TKFC: variants seen among roughly 807,000 people sequenced by gnomAD.
The protein encoded by TKFC is triokinase and FMN cyclase, also known as triokinase/FMN cyclase.
In TKFC, 46 loss-of-function variants were observed where a neutral mutation model predicts 61.0. The observed-to-expected ratio is 0.75, with a 90% CI of 0.60 to 0.96. The LOEUF (loss-of-function observed/expected upper bound fraction) is 0.96. TKFC is among the 50% of genes least tolerant of loss of function. The pLI is 0.00. For missense variants in TKFC, 715 were observed against 777.5 expected, an observed-to-expected ratio of 0.92 and a Z score of 0.96; for synonymous variants, 314 against 330.1, an observed-to-expected ratio of 0.95 and a Z score of 0.53.
At chr11:61,345,791 G>A (rs1050646563) in intron 16 of TKFC, 46 bp downstream of exon 16, 2 of 1,614,198 alleles carry the variant, frequency 1.2e-6, no homozygotes, top group Non-Finnish European at 8.5e-7. Flanking sequence ...TTTTGGCCCT[G>A]TAAGTCTAAA....
intron 5 of TKFC, 133 bp downstream of exon 5, chr11:61,339,568 C>T (rs920906476): frequency 1.6e-5 from 17 of 1,044,238 alleles, no homozygotes; most frequent in Middle Eastern, 3.2e-4. Flanking sequence ...TCCCTGATCT[C>T]AGAAGGCCCC....
At chr11:61,343,730 G>C in intron 11 of TKFC, 126 bp from the exon 12 acceptor site, 1 of 1,374,400 alleles carries the variant, frequency 7.3e-7, no homozygotes, top group Non-Finnish European at 9.9e-7. Context: ...TGCTTGTCGA[G>C]GTGGACTCCC....
downstream of TKFC, chr11:61,351,541 G>A (rs969075236): frequency 6.5e-5 from 10 of 153,844 alleles, no homozygotes; most frequent in East Asian, 7.8e-4. Flanking sequence ...CGCCCGCCTC[G>A]GCCTCCCAAA....
intron 10 of TKFC, 66 bp from the exon 11 acceptor site, chr11:61,343,276 T>G: frequency 1.4e-6 from 2 of 1,467,978 alleles, no homozygotes; most frequent in Non-Finnish European, 9.5e-7. Context: ...GGTCCTTGCT[T>G]TTCTGTTGTT....
At chr11:61,338,168 G>A (rs2134995109) in intron 3 of TKFC, 38 bp downstream of exon 3, 1 of 1,521,278 alleles carries the variant, frequency 6.6e-7, no homozygotes, top group Non-Finnish European at 8.8e-7. Flanking sequence ...TACTAGTGGA[G>A]TGGACAGGGC....
At position 61,336,224 on chromosome 11, in the gene TKFC, G is replaced by A. The variant is rs75867680; in HGVS notation, c.3+1493G>A. 534 of 154,628 alleles carry A rather than the reference G, an allele frequency of 3.5e-3. 5 individuals carry two copies. The highest frequency in any genetic ancestry group is 0.012 in the African/African-American group (517 of 41,664). The allele number at this position is 154,628 out of a possible 1,614,324, so 9.6% of individuals were successfully genotyped here. On this transcript the variant is annotated intron_variant, in intron 2 of 17. Coordinates refer to ENST00000394900, the MANE Select transcript of TKFC (RefSeq NM_015533.4). ...TACAGACCTAGGCTACTCTGAAGCAGGTGGCTTAGCCCTGGCCCTGGCTGG... is the reference window on the plus strand; with the variant it reads ...TACAGACCTAGGCTACTCTGAAGCAAGTGGCTTAGCCCTGGCCCTGGCTGG...
At chr11:61,351,316 G>GTCT, downstream of TKFC, 1 of 689,916 alleles carries the variant, frequency 1.4e-6, no homozygotes, top group South Asian at 2.5e-5. Flanking sequence ...TTGAGGCAGA[G>GTCT]TCTTGCTCTG....
Position 61,344,128 on chromosome 11 carries a change from C to T in TKFC, c.1103-8C>T. On this transcript the variant is annotated splice_polypyrimidine_tract_variant and splice_region_variant and intron_variant, in intron 12 of 17. Transcript: ENST00000394900. The stretch of plus-strand genomic sequence containing the variant: ...GTGGGCCTGTTCTTCAGCATCCTCC[C>T]TTTCTAGGCTCAGCCTCGAAGCGGA... The T allele has an allele frequency of 6.2e-7, 1 of 1,611,946 alleles. No individual in the cohort carries two copies.
intron 3 of TKFC, among the ~76,000 whole-genome samples, chr11:61,338,632 C>A (rs968924575): frequency 6.6e-6 from 1 of 152,176 alleles, no homozygotes; most frequent in Non-Finnish European, 1.5e-5. Flanking sequence ...AAAATCCATT[C>A]ATTTGGCAAA....
At chr11:61,352,896 T>A, downstream of TKFC, 1 of 1,604,802 alleles carries the variant, frequency 6.2e-7, no homozygotes, top group Non-Finnish European at 8.5e-7. Flanking sequence ...CTCTCCTCCC[T>A]TGGGTGAGTC....
chr11:61,351,063 C>T (rs772033000), downstream of TKFC: 2 of 1,613,906 alleles, frequency 1.2e-6, no homozygotes, highest in African/African-American at 2.7e-5. Context: ...GCACCAGCAG[C>T]CCAAAGGCCA....
chr11:61,345,144 G>T, intron 13 of TKFC, 116 bp from the exon 14 acceptor site: 2 of 840,640 alleles, frequency 2.4e-6, no homozygotes, highest in Non-Finnish European at 1.8e-6. Context: ...AGGGATCTTG[G>T]GAAGCCTTCA....
Position 61,334,646 on chromosome 11 carries a change from A to G in TKFC, c.-83A>G. On this transcript the variant is annotated 5_prime_UTR_variant, in exon 2 of 18. Coordinates refer to ENST00000394900, the MANE Select transcript of TKFC (RefSeq NM_015533.4). Reference sequence around the variant, plus strand: ...TGCTGCTGCTGCCTCCACTGTACTCAGACCCAGGTAGCACAGGATTGTCCA... The same window carrying G: ...TGCTGCTGCTGCCTCCACTGTACTCGGACCCAGGTAGCACAGGATTGTCCA... 6.3e-7 allele frequency: 1 copy of G among 1,599,020 alleles called. No homozygotes were observed. Among genetic ancestry groups the G allele is most frequent in the Admixed American group, 1.7e-5 (1 of 59,470 alleles).
Position 61,342,561 on chromosome 11 carries a change from C to G in TKFC, c.691-13C>G. The G allele has an allele frequency of 6.2e-7, 1 of 1,614,024 alleles. No individual in the cohort carries two copies. The highest frequency in any genetic ancestry group is 1.1e-5 in the South Asian group (1 of 91,090). Reference sequence around the variant, plus strand: ...CCCCCCAGATGCAGCTCATTCCTGGCTCCCTCTGACAGATGGCAACCGCCG... The same window carrying G: ...CCCCCCAGATGCAGCTCATTCCTGGGTCCCTCTGACAGATGGCAACCGCCG... On this transcript the variant is annotated splice_polypyrimidine_tract_variant and intron_variant, in intron 8 of 17. Transcript: ENST00000394900.
rs748080224 is a variant in TKFC at position 61,345,849 on chromosome 11, T to A, written c.1486-8T>A. 8.1e-6 allele frequency: 13 copies of A among 1,613,968 alleles called. No homozygotes were observed. The African/African-American group carries it at 1.7e-4, about 22-fold the overall frequency. ...CGTGCTCAGCCCCCTTTCCTTCACC[T>A]TGTCCAGCTGGATTCTCTGTGGGCA... On this transcript the variant is annotated splice_region_variant and splice_polypyrimidine_tract_variant and intron_variant, in intron 16 of 17. Transcript: ENST00000394900.
downstream of TKFC, chr11:61,351,262 A>G: frequency 1.4e-6 from 1 of 731,120 alleles, no homozygotes; most frequent in South Asian, 2.6e-5. Flanking sequence ...TCCATATGTG[A>G]TCTAGAATTT....
chr11:61,340,910 T>C (rs901312490), intron 5 of TKFC, among the ~76,000 whole-genome samples: 1 of 152,182 alleles, frequency 6.6e-6, no homozygotes, highest in Non-Finnish European at 1.5e-5. Flanking sequence ...TCCATCACTG[T>C]AATTACCACC....
chr11:61,345,064 G>A (rs1857050797), intron 13 of TKFC, among the ~76,000 whole-genome samples, 196 bp from the exon 14 acceptor site: 1 of 152,180 alleles, frequency 6.6e-6, no homozygotes. Context: ...TTCGGGGCAG[G>A]CCTCACCTCC....
intron 3 of TKFC, 80 bp from the exon 4 acceptor site, chr11:61,338,986 A>G (rs1177251957): frequency 3.2e-6 from 4 of 1,239,176 alleles, no homozygotes; most frequent in Non-Finnish European, 4.6e-6. Flanking sequence ...CCAAACCATG[A>G]CCCCCGGAGT....
Sources: allele counts gnomAD v4.1 joint callset (sites outside exome capture counted in the v4.1 genomes callset), GRCh38; gene constraint gnomAD v4.1.1; transcripts MANE v1.5; gene names NCBI Gene and HGNC (gene_info 2026-07-23, HGNC 2026-07-21).